Variants in PON1 observed in about 807,000 individuals in gnomAD.
The protein encoded by PON1 is paraoxonase 1, also known as serum paraoxonase/arylesterase 1.
A neutral mutation model predicts 39.2 loss-of-function variants in PON1; 37 were observed. The ratio of observed to expected loss-of-function variants is 0.94; its 90% CI spans 0.73 to 1.24. The LOEUF (loss-of-function observed/expected upper bound fraction) is 1.24. Among genes scored for constraint, PON1 ranks in the 50% most tolerant of loss-of-function variants. The pLI, the probability that PON1 is intolerant of heterozygous loss-of-function variation, is 0.00. For synonymous variants in PON1, 148 were observed against 152.2 expected (o/e 0.97, Z 0.21); for missense variants, 397 against 413.5 (o/e 0.96, Z 0.35).
intron 7 of PON1, among the ~76,000 whole-genome samples, chr7:95,303,500 G>A (rs1285231311): frequency 6.6e-6 from 1 of 152,154 alleles, no homozygotes; most frequent in Admixed American, 6.5e-5. Flanking sequence ...GAATTCCACG[G>A]CAGATGAAAC....
chr7:95,301,923 T>TAAAAA (rs10638749), intron 8 of PON1, among the ~76,000 whole-genome samples: 2 of 135,596 alleles, frequency 1.5e-5, no homozygotes, highest in African/African-American at 5.5e-5. Context: ...CTGTCTCTAC[T>TAAAAA]AAAAAAAAAA....
chr7:95,302,640 AAAG>A (rs1313170179), intron 7 of PON1, among the ~76,000 whole-genome samples: 31 of 152,134 alleles, frequency 2.0e-4, no homozygotes, highest in African/African-American at 5.1e-4. Context: ...CTGAAAAAAA[AAAG>A]AAGTTTTCGG....
Position 95,308,475 on chromosome 7 carries a change from C to CGT in PON1, c.498-266_498-265dup, listed in dbSNP as rs10548570. ...TATGTATCTTAAAATAGTGTTACGT[C>CGT]GTGTGTGTGTGTGTGTGTGTGTGTG... On this transcript the variant is annotated intron_variant, in intron 5 of 8. Coordinates refer to ENST00000222381, the MANE Select transcript of PON1 (RefSeq NM_000446.7). Among the ~76,000 whole-genome samples, 11,207 of 147,108 alleles carry CGT rather than the reference C, an allele frequency of 0.076. 425 individuals are homozygous for CGT. Among genetic ancestry groups the CGT allele is most frequent in the Non-Finnish European group, 0.087 (5,760 of 66,476 alleles).
chr7:95,317,720 C>T (rs779094335), intron 2 of PON1, among the ~76,000 whole-genome samples: 25 of 152,088 alleles, frequency 1.6e-4, no homozygotes, highest in Non-Finnish European at 2.8e-4. Flanking sequence ...TTGGTTGCCT[C>T]CCAGCTGCTA....
At chr7:95,305,200 C>T (rs1200970282) in intron 7 of PON1, among the ~76,000 whole-genome samples, 2 of 152,180 alleles carry the variant, frequency 1.3e-5, no homozygotes, top group East Asian at 1.9e-4. Context: ...ATACAATTGG[C>T]GCTGACAGTG....
At chr7:95,324,298 G>A in intron 1 of PON1, 104 bp downstream of exon 1, 1 of 1,045,216 alleles carries the variant, frequency 9.6e-7, no homozygotes, top group East Asian at 2.4e-5. Context: ...GCACCTGCTT[G>A]TAAATGTTCT....
intron 5 of PON1, 73 bp from the exon 6 acceptor site, chr7:95,308,284 CCTCA>C: frequency 1.5e-6 from 2 of 1,378,580 alleles, no homozygotes; most frequent in Non-Finnish European, 2.0e-6. Context: ...AACTGGCATT[CCTCA>C]CTGTCTATTC....
Position 95,306,176 on chromosome 7 carries a change from G to T in PON1, c.780+109C>A, listed in dbSNP as rs568757613. 5.4e-4 allele frequency: 483 copies of T among 891,724 alleles called. 4 individuals are homozygous for T. The South Asian group carries it at 6.1e-3, about 11-fold the overall frequency. The allele number at this position is 891,724 out of a possible 1,614,324, so 55.2% of individuals were successfully genotyped here. On this transcript the variant is annotated intron_variant, in intron 7 of 8. Transcript: ENST00000222381. The stretch of plus-strand genomic sequence containing the variant: ...ACTCTTAATAAAGGAGTGAAAAATT[G>T]GTTCTCACCCACCCCAATTAAGCAG...
At chr7:95,317,331 A>G (rs549001380) in intron 2 of PON1, among the ~76,000 whole-genome samples, 4 of 152,208 alleles carry the variant, frequency 2.6e-5, no homozygotes, top group African/African-American at 9.6e-5. Flanking sequence ...AGTTAGTTAT[A>G]CTTTAAGTAC....
chr7:95,319,468 CT>C lies in PON1; in HGVS notation c.75-1076del, dbSNP rs1440178843. On this transcript the variant is annotated intron_variant, in intron 1 of 8. Coordinates refer to ENST00000222381, the MANE Select transcript of PON1 (RefSeq NM_000446.7). ...CTGACGTAAGAGGCAAGGAGTGCCTCTTAATAATCTGCTTTGTAAAAGTGCC... is the reference window on the plus strand; with the variant it reads ...CTGACGTAAGAGGCAAGGAGTGCCTCTAATAATCTGCTTTGTAAAAGTGCC... 2.6e-5 allele frequency among the ~76,000 whole-genome samples: 4 copies of C among 152,260 alleles called. No homozygotes were observed. In the East Asian group the frequency reaches 7.7e-4, roughly 29 times the overall value.
rs1426889040 is a variant in PON1, at chr7:95,299,012, C to G, written c.1000G>C (p.Ala334Pro). ...AGCAGTTTCCCTTTGTACACAGAGG[C>G]AACTGTACTGCCTTGCAACACTGTG... ...NGTVLQGSTV[A>P]SVYKGKLLIG... The change falls in exon 9 of 9, where the codon GCC becomes CCC. Residue 334 changes from alanine (A) to proline (P), a missense_variant. Ala to Pro is a conservative substitution (Grantham distance 27, BLOSUM62 -1). Transcript: ENST00000222381. The G allele has an allele frequency of 2.4e-5, 38 of 1,614,108 alleles. No individual in the cohort carries two copies. Among genetic ancestry groups the G allele is most frequent in the Non-Finnish European group, 3.2e-5 (38 of 1,179,982 alleles).
At chr7:95,322,475 C>T (rs978273182) in intron 1 of PON1, among the ~76,000 whole-genome samples, 2 of 151,928 alleles carry the variant, frequency 1.3e-5, no homozygotes, top group African/African-American at 4.8e-5. Context: ...TGATATCTAA[C>T]CCAGGTCATC....
At chr7:95,308,253 A>G (rs550240333) in intron 5 of PON1, 42 bp from the exon 6 acceptor site, 2 of 1,560,384 alleles carry the variant, frequency 1.3e-6, no homozygotes, top group Non-Finnish European at 1.8e-6. Flanking sequence ...AGGTGAAGGT[A>G]TTGAACATTA....
rs1807580527 is a variant in PON1, at chr7:95,308,158, T to C, written c.551A>G (p.His184Arg). ...TTGTAAGTAGGGGTCAAGAAAATAG[T>C]GATCATTTGTGCCATAAAAGTGCTC... ...GPEHFYGTND[H>R]YFLDPYLQSW... The change falls in exon 6 of 9, where the codon CAC becomes CGC. Residue 184 changes from histidine (H) to arginine (R), a missense_variant. Physicochemically the swap from His to Arg is conservative, Grantham distance 29 (BLOSUM62 0). Transcript: ENST00000222381. 1.9e-6 allele frequency: 3 copies of C among 1,614,038 alleles called. No individual in the cohort carries two copies. The highest frequency in any genetic ancestry group is 1.1e-5 in the South Asian group (1 of 91,082).
At chr7:95,299,439 A>G (rs1214782216) in intron 8 of PON1, among the ~76,000 whole-genome samples, 3 of 152,144 alleles carry the variant, frequency 2.0e-5, no homozygotes, top group Non-Finnish European at 2.9e-5. Flanking sequence ...ATGATAGTTA[A>G]TACTGAGAGT....
chr7:95,323,623 A>T (rs1462824808), intron 1 of PON1, among the ~76,000 whole-genome samples: 1 of 152,188 alleles, frequency 6.6e-6, no homozygotes, highest in Non-Finnish European at 1.5e-5. Context: ...GAAACTTTTG[A>T]TACATTCTTA....
chr7:95,318,212 C>A, intron 2 of PON1, 111 bp downstream of exon 2: 1 of 883,146 alleles, frequency 1.1e-6, no homozygotes, highest in Non-Finnish European at 1.9e-6. Context: ...CACTGACTCT[C>A]CTGATTCAAA....
intron 2 of PON1, among the ~76,000 whole-genome samples, chr7:95,317,573 C>CAAAAAAAAAAAAA (rs869140411): frequency 6.4e-5 from 3 of 46,640 alleles, no homozygotes; most frequent in Non-Finnish European, 9.7e-5. Context: ...TCTAAAAGAA[C>CAAAAAAAAAAAAA]AAAAAAAAAA....
intron 1 of PON1, among the ~76,000 whole-genome samples, chr7:95,319,527 A>G (rs1013200749): frequency 2.6e-5 from 4 of 152,166 alleles, no homozygotes; most frequent in Admixed American, 6.6e-5. Flanking sequence ...CAGAGTAAAG[A>G]GCCACCAGTC....
Sources: allele counts gnomAD v4.1 joint callset (sites outside exome capture counted in the v4.1 genomes callset), GRCh38; gene constraint gnomAD v4.1.1; transcripts MANE v1.5; gene names NCBI Gene and HGNC (gene_info 2026-07-23, HGNC 2026-07-21).